Variants in STMND1 observed in about 807,000 individuals in gnomAD.
The protein encoded by STMND1 is stathmin domain-containing protein 1.
A neutral mutation model predicts 23.0 loss-of-function variants in STMND1; 17 were observed. The observed-to-expected ratio is 0.74, with a 90% CI of 0.51 to 1.11. The LOEUF is 1.11. Ranked by LOEUF, STMND1 falls within the 50% of genes least tolerant of loss-of-function variation. The probability of loss-of-function intolerance (pLI) is 0.00; values close to 1 mark genes in which losing one functional copy is unlikely to be tolerated. For synonymous variants in STMND1, 114 were observed against 119.9 expected, an observed-to-expected ratio of 0.95 and a Z score of 0.32; for missense variants, 305 against 329.1, an observed-to-expected ratio of 0.93 and a Z score of 0.57.
chr6:17,102,281 T>A lies in STMND1; in HGVS notation c.24T>A (p.Pro8=). The part of the protein sequence containing the change: MGCGPSQ[P]AEDRRRVRAP... ...GCATGGGCTGTGGACCTTCCCAACC[T>A]GCTGAAGACCGGAGACGTGTACGCG... The change falls in exon 1 of 5, where the codon CCT becomes CCA. Residue 8 remains proline (P), a synonymous_variant. Transcript: ENST00000536551. The A allele has an allele frequency of 6.5e-7, 1 of 1,535,990 alleles. No individual in the cohort carries two copies. The highest frequency in any genetic ancestry group is 8.7e-7 in the Non-Finnish European group (1 of 1,146,838).
chr6:17,128,904 G>C (rs1761345762), intron 3 of STMND1: 2 of 408,662 alleles, frequency 4.9e-6, no homozygotes, highest in Non-Finnish European at 9.0e-6. Flanking sequence ...GTAGAGACAA[G>C]GTTTCACTAT....
chr6:17,104,561 T>C (rs1760992786), intron 1 of STMND1, among the ~76,000 whole-genome samples: 1 of 152,188 alleles, frequency 6.6e-6, no homozygotes, highest in South Asian at 2.1e-4. Context: ...CCTACATTTC[T>C]TGGGTAAGAT....
At chr6:17,108,190 T>C (rs1404510881) in intron 1 of STMND1, among the ~76,000 whole-genome samples, 1 of 152,226 alleles carries the variant, frequency 6.6e-6, no homozygotes, top group African/African-American at 2.4e-5. Context: ...TGCTAAGGCC[T>C]GGATTCCAAA....
At chr6:17,114,817 T>C (rs1761136565) in intron 1 of STMND1, 145 bp from the exon 2 acceptor site, 2 of 822,590 alleles carry the variant, frequency 2.4e-6, no homozygotes, top group African/African-American at 1.8e-5. Flanking sequence ...GCCCAGGGGG[T>C]TGGGGACCCC....
chr6:17,107,388 T>A (rs1761037843), intron 1 of STMND1, among the ~76,000 whole-genome samples: 1 of 150,396 alleles, frequency 6.6e-6, no homozygotes, highest in South Asian at 2.1e-4. Flanking sequence ...AATTCACAAC[T>A]TTTAAATTCT....
intron 1 of STMND1, among the ~76,000 whole-genome samples, chr6:17,107,695 C>T (rs1322630587): frequency 1.3e-5 from 2 of 152,166 alleles, no homozygotes; most frequent in African/African-American, 4.8e-5. Context: ...TCCCCTGGCT[C>T]AAGAGATCCT....
intron 2 of STMND1, among the ~76,000 whole-genome samples, chr6:17,115,813 C>T (rs1013304353): frequency 1.3e-5 from 2 of 152,200 alleles, no homozygotes; most frequent in African/African-American, 4.8e-5. Flanking sequence ...TGCTCCCCAT[C>T]ACTGTTATTT....
intron 3 of STMND1, among the ~76,000 whole-genome samples, chr6:17,123,295 A>G (rs1389091515): frequency 6.6e-6 from 1 of 152,228 alleles, no homozygotes; most frequent in Non-Finnish European, 1.5e-5. Flanking sequence ...ATGTAGGCAT[A>G]TAGAATGGTT....
At chr6:17,116,120 A>T (rs185204852) in intron 2 of STMND1, among the ~76,000 whole-genome samples, 1 of 152,326 alleles carries the variant, frequency 6.6e-6, no homozygotes, top group Admixed American at 6.5e-5. Context: ...TTGGTCACAG[A>T]CTGCAGAGCG....
chr6:17,126,197 G>A (rs1471539484), intron 3 of STMND1, among the ~76,000 whole-genome samples: 7 of 148,910 alleles, frequency 4.7e-5, no homozygotes, highest in East Asian at 2.0e-4. Flanking sequence ...GGATTACAGC[G>A]TGAGCCACTG....
chr6:17,131,236 G>C lies in STMND1; in HGVS notation c.*355G>C, dbSNP rs113914805. On this transcript the variant is annotated 3_prime_UTR_variant, in exon 5 of 5. Transcript: ENST00000536551. ...CCTGTTTACTCCTGCCTTGTGGCGG[G>C]GTCCATCCTCTGCTGCTCCTTTAAA... is the stretch of plus-strand genomic sequence containing the variant. The C allele has an allele frequency of 5.0e-6, 1 of 199,578 alleles. No individual in the cohort carries two copies. Among genetic ancestry groups the C allele is most frequent in the Non-Finnish European group, 1.0e-5 (1 of 99,994 alleles). The allele number at this position is 199,578 out of a possible 1,614,324, so 12.4% of individuals were successfully genotyped here. A position where few individuals can be genotyped will look rare whatever the true frequency, so the allele number is the denominator to read the frequency against.
intron 2 of STMND1, among the ~76,000 whole-genome samples, chr6:17,115,835 A>G (rs1761152583): frequency 2.6e-5 from 4 of 152,182 alleles, no homozygotes; most frequent in Admixed American, 1.3e-4. Flanking sequence ...TTCTCTAGGT[A>G]CAAGTTGGGA....
intron 1 of STMND1, among the ~76,000 whole-genome samples, chr6:17,106,667 C>T (rs1761029860): frequency 6.6e-6 from 1 of 152,148 alleles, no homozygotes; most frequent in South Asian, 2.1e-4. Context: ...TAATTTCTTT[C>T]ACAGCTTTCA....
rs769515375 is a variant in STMND1, at chr6:17,126,557, C to T, written c.412-2555C>T. Among the ~76,000 whole-genome samples the T allele has an allele frequency of 1.3e-4, 20 of 152,276 alleles. 1 individual carries two copies. The highest frequency in any genetic ancestry group is 4.1e-4 in the South Asian group (2 of 4,826). On this transcript the variant is annotated intron_variant, in intron 3 of 4. Transcript: ENST00000536551. ...TACTTAATTTTCTTTTAGCCTTCTA[C>T]GCATGAACATCCCTAAAAAATCATT...
At position 17,118,582 on chromosome 6, in the gene STMND1, G is replaced by C. The variant is rs568405982; in HGVS notation, c.260-2025G>C. 1.1e-4 allele frequency among the ~76,000 whole-genome samples: 16 copies of C among 152,278 alleles called. No homozygotes were observed. In the South Asian group the frequency reaches 2.5e-3, roughly 24 times the overall value. On this transcript the variant is annotated intron_variant, in intron 2 of 4. Transcript: ENST00000536551. ...ATAAGTTAGCTGCTGTAAATATCAA[G>C]CCAAACACTTTAGAGAACTCCAAAA...
At chr6:17,112,120 G>T (rs1246137193) in intron 1 of STMND1, among the ~76,000 whole-genome samples, 1 of 152,118 alleles carries the variant, frequency 6.6e-6, no homozygotes, top group Non-Finnish European at 1.5e-5. Flanking sequence ...CCTCTTCAAA[G>T]AAATGGCTAC....
intron 1 of STMND1, among the ~76,000 whole-genome samples, chr6:17,112,979 T>G (rs1761114126): frequency 6.6e-6 from 1 of 152,186 alleles, no homozygotes; most frequent in South Asian, 2.1e-4. Flanking sequence ...GTATATGAAG[T>G]GGTATCTCAC....
chr6:17,118,324 T>A (rs1288270529), intron 2 of STMND1, among the ~76,000 whole-genome samples: 1 of 152,158 alleles, frequency 6.6e-6, no homozygotes, highest in Non-Finnish European at 1.5e-5. Context: ...GATGTCAAAC[T>A]TATAAAAATA....
intron 3 of STMND1, among the ~76,000 whole-genome samples, chr6:17,126,011 C>G (rs1178160013): frequency 1.6e-5 from 2 of 125,030 alleles, no homozygotes; most frequent in African/African-American, 6.4e-5. Context: ...TAACACCTCT[C>G]TAAGCATAAG....
Sources: allele counts gnomAD v4.1 joint callset (sites outside exome capture counted in the v4.1 genomes callset), GRCh38; gene constraint gnomAD v4.1.1; transcripts MANE v1.5; gene names NCBI Gene and HGNC (gene_info 2026-07-23, HGNC 2026-07-21).